TRIM4: variants seen among roughly 807,000 people sequenced by gnomAD.
TRIM4 encodes E3 ubiquitin-protein ligase TRIM4.
TRIM4 carries 29 observed loss-of-function variants against 33.7 expected under a neutral mutation model. That is an observed-to-expected ratio of 0.86 (90% CI 0.64 to 1.17). The LOEUF (loss-of-function observed/expected upper bound fraction) is 1.17, where lower values mean the gene tolerates loss of function less well. Among genes scored for constraint, TRIM4 ranks in the 50% most tolerant of loss-of-function variants. TRIM4 has a pLI of 0.00. For synonymous variants in TRIM4, 224 were observed against 233.0 expected (o/e 0.96, Z 0.35); for missense variants, 554 against 593.7 (o/e 0.93, Z 0.69).
intron 3 of TRIM4, among the ~76,000 whole-genome samples, chr7:99,905,723 C>T (rs760304606): frequency 3.9e-5 from 6 of 152,144 alleles, no homozygotes; most frequent in Non-Finnish European, 8.8e-5. Context: ...CAAAATCACC[C>T]TGATTCAAAA....
chr7:99,901,943 A>G, intron 5 of TRIM4: 2 of 603,034 alleles, frequency 3.3e-6, no homozygotes, highest in Non-Finnish European at 5.9e-6. Context: ...GTTCTCCGTG[A>G]ACTCCCAGGT....
At chr7:99,899,050 G>A (rs1819093391) in intron 5 of TRIM4, among the ~76,000 whole-genome samples, 1 of 152,182 alleles carries the variant, frequency 6.6e-6, no homozygotes, top group African/African-American at 2.4e-5. Context: ...GAATGTGGGG[G>A]CCATTCAAGG....
chr7:99,897,296 AG>A (rs1819039715), intron 5 of TRIM4, among the ~76,000 whole-genome samples: 1 of 152,206 alleles, frequency 6.6e-6, no homozygotes, highest in Non-Finnish European at 1.5e-5. Context: ...ACCTGAAAGA[AG>A]GCAGACCACC....
At chr7:99,899,269 G>A (rs539988636) in intron 5 of TRIM4, among the ~76,000 whole-genome samples, 3 of 152,290 alleles carry the variant, frequency 2.0e-5, no homozygotes, top group East Asian at 1.9e-4. Flanking sequence ...ACAGGGAATC[G>A]AGGCCCTTTC....
chr7:99,897,232 G>A (rs1054337218), intron 5 of TRIM4, among the ~76,000 whole-genome samples: 1 of 152,146 alleles, frequency 6.6e-6, no homozygotes, highest in African/African-American at 2.4e-5. Flanking sequence ...TCACTACCAA[G>A]ATAAAAGAAG....
chr7:99,916,293 C>T (rs1233785993), intron 1 of TRIM4, among the ~76,000 whole-genome samples: 1 of 152,100 alleles, frequency 6.6e-6, no homozygotes, highest in Non-Finnish European at 1.5e-5. Flanking sequence ...CTCTTTGTGC[C>T]TTTTTTTACT....
chr7:99,908,514 TCA>T, intron 3 of TRIM4, 66 bp downstream of exon 3: 1 of 1,270,260 alleles, frequency 7.9e-7, no homozygotes, highest in South Asian at 1.4e-5. Context: ...GGAAGGACAT[TCA>T]GCTCTAAAGA....
At chr7:99,896,617 T>A (rs1014144796) in intron 5 of TRIM4, among the ~76,000 whole-genome samples, 1 of 152,152 alleles carries the variant, frequency 6.6e-6, no homozygotes, top group Admixed American at 6.5e-5. Flanking sequence ...CTGAAATCAA[T>A]AGGGGTCTAG....
chr7:99,899,931 C>T (rs1335988996), intron 5 of TRIM4, among the ~76,000 whole-genome samples: 4 of 152,144 alleles, frequency 2.6e-5, no homozygotes, highest in African/African-American at 4.8e-5. Flanking sequence ...ACTGGGACTA[C>T]AGGCACACAC....
At position 99,892,276 on chromosome 7, in the gene TRIM4, C is replaced by T. The variant is rs1818908026; in HGVS notation, c.1312G>A (p.Asp438Asn). The T allele has an allele frequency of 1.2e-6, 2 of 1,614,198 alleles. No homozygotes were observed. The highest frequency in any genetic ancestry group is 1.7e-6 in the Non-Finnish European group (2 of 1,180,042). ...TGNVSFYSAV[D>N]GVHLHTFSCS... ...GAAAAGGTGTGCAGGTGCACTCCGT[C>T]CACAGCGCTGTAGAAGGAGACATTC... Residue 438 changes from aspartate to asparagine, a missense_variant, in exon 6 of 6, where the codon GAC becomes AAC. Around this residue, in one of 3 missense-constraint regions of TRIM4, gnomAD observed 290 missense variants for 335.8 expected, o/e 0.86. Coordinates refer to ENST00000349062, the MANE Select transcript of TRIM4 (RefSeq NM_033091.3).
rs757778733 is a variant in TRIM4 at position 99,890,894 on chromosome 7, G to T, written c.*1269C>A. 1 of 152,148 alleles carries T rather than the reference G, an allele frequency of 6.6e-6. No homozygotes were observed. The highest frequency in any genetic ancestry group is 2.4e-5 in the African/African-American group (1 of 41,414). 9.4% of individuals were successfully genotyped at this position (152,148 alleles called of 1,614,324 possible). ...AAATATAAGTTAAAATAAAATCCTCGTTAAATCACTGCCTGAAAGTCTTTA... is the reference window on the plus strand; with the variant it reads ...AAATATAAGTTAAAATAAAATCCTCTTTAAATCACTGCCTGAAAGTCTTTA... On this transcript the variant is annotated 3_prime_UTR_variant, in exon 6 of 6. Coordinates refer to ENST00000349062, the MANE Select transcript of TRIM4 (RefSeq NM_033091.3).
chr7:99,909,722 T>C (rs1285151654), intron 1 of TRIM4, 62 bp from the exon 2 acceptor site: 10 of 1,252,948 alleles, frequency 8.0e-6, no homozygotes, highest in African/African-American at 1.7e-5. Flanking sequence ...TCTTCTTTTT[T>C]CTTTTTGTTT....
chr7:99,894,458 T>C (rs1818967751), intron 5 of TRIM4, among the ~76,000 whole-genome samples: 1 of 150,702 alleles, frequency 6.6e-6, no homozygotes, highest in African/African-American at 2.4e-5. Flanking sequence ...AGGTCAGGAG[T>C]TCAAGACCAG....
chr7:99,906,686 T>A (rs906821343), intron 3 of TRIM4, among the ~76,000 whole-genome samples: 2 of 150,210 alleles, frequency 1.3e-5, no homozygotes, highest in Non-Finnish European at 3.0e-5. Context: ...AGGACCAATT[T>A]AAAAAAAAAC....
In TRIM4 at chr7:99,892,497, A is replaced by G; in HGVS notation, c.1091T>C (p.Leu364Pro). 2 of 1,614,192 alleles carry G rather than the reference A, an allele frequency of 1.2e-6. No homozygotes were observed. The highest frequency in any genetic ancestry group is 1.7e-6 in the Non-Finnish European group (2 of 1,180,030). Residue 364 changes from leucine to proline, a missense_variant, in exon 6 of 6, where the codon CTG (leucine) becomes CCG (proline). Physicochemically the swap from Leu to Pro is moderately conservative, Grantham distance 98 (BLOSUM62 -3). This residue lies in a region of TRIM4 where 290 missense variants were observed against 335.8 expected (regional missense o/e 0.86). Coordinates refer to ENST00000349062, the MANE Select transcript of TRIM4 (RefSeq NM_033091.3). ...HYWEVESRDS[L>P]EVAVGVCRED... is the part of the protein sequence containing the mutation. The stretch of plus-strand genomic sequence containing the variant: ...CCGACACACCCCAACAGCAACCTCC[A>G]GACTATCTCTACTCTCAACTTCCCA...
chr7:99,893,345 T>G (rs1818940356), intron 5 of TRIM4, among the ~76,000 whole-genome samples: 1 of 122,372 alleles, frequency 8.2e-6, no homozygotes, highest in South Asian at 2.5e-4. Context: ...AGCCTAAAAT[T>G]TGGAGAGATA....
intron 1 of TRIM4, among the ~76,000 whole-genome samples, chr7:99,912,274 T>TA (rs1819462435): frequency 6.6e-6 from 1 of 152,190 alleles, no homozygotes; most frequent in South Asian, 2.1e-4. Flanking sequence ...CTCACGCCTG[T>TA]AACCCCAGCA....
intron 3 of TRIM4, among the ~76,000 whole-genome samples, chr7:99,905,705 G>A (rs1474053823): frequency 6.6e-6 from 1 of 152,136 alleles, no homozygotes; most frequent in Non-Finnish European, 1.5e-5. Flanking sequence ...TTTTGCCCTT[G>A]GAGGGAGCAA....
intron 5 of TRIM4, chr7:99,902,093 T>C (rs778111419): frequency 1.6e-5 from 12 of 765,190 alleles, no homozygotes; most frequent in South Asian, 1.3e-4. Context: ...ATCACCGTCC[T>C]TCACTGCCTG....
Sources: allele counts gnomAD v4.1 joint callset (sites outside exome capture counted in the v4.1 genomes callset), GRCh38; gene constraint gnomAD v4.1.1; regional missense constraint gnomAD v4.1.1; transcripts MANE v1.5; gene names NCBI Gene and HGNC (gene_info 2026-07-23, HGNC 2026-07-21).